APLF: variants seen among roughly 807,000 people sequenced by gnomAD.
APLF encodes aprataxin and PNK-like factor.
Under a neutral mutation model 55.6 loss-of-function variants are expected in APLF, and 61 were observed. That is an observed-to-expected ratio of 1.10 (90% CI 0.89 to 1.36). APLF has a LOEUF of 1.36. Ranked by LOEUF, APLF falls within the 40% of genes most tolerant of loss-of-function variation. The probability of loss-of-function intolerance (pLI) is 0.00; values close to 1 mark genes in which losing one functional copy is unlikely to be tolerated. For missense variants in APLF, 611 were observed against 602.5 expected, an observed-to-expected ratio of 1.01 and a Z score of -0.15; for synonymous variants, 207 against 214.8, an observed-to-expected ratio of 0.96 and a Z score of 0.32.
chr2:68,547,537 A>G (rs1308053871), intron 8 of APLF, among the ~76,000 whole-genome samples: 1 of 151,742 alleles, frequency 6.6e-6, no homozygotes, highest in Non-Finnish European at 1.5e-5. Context: ...TGGTACTTCA[A>G]AATAGGCTTA....
At chr2:68,549,714 T>A (rs971066131) in intron 8 of APLF, among the ~76,000 whole-genome samples, 5 of 152,182 alleles carry the variant, frequency 3.3e-5, no homozygotes, top group Non-Finnish European at 7.4e-5. Flanking sequence ...ATTTTTTTCC[T>A]GTGGTGGTTC....
chr2:68,509,704 C>G (rs1436632675), intron 3 of APLF, among the ~76,000 whole-genome samples: 2 of 152,092 alleles, frequency 1.3e-5, no homozygotes, highest in East Asian at 1.9e-4. Context: ...TTGACCCAGC[C>G]ATCCCATTAC....
intron 2 of APLF, among the ~76,000 whole-genome samples, chr2:68,491,436 C>T (rs540607128): frequency 1.3e-5 from 2 of 152,240 alleles, no homozygotes; most frequent in African/African-American, 2.4e-5. Flanking sequence ...CATGAGTAAA[C>T]GCTGTGGTGA....
chr2:68,513,608 A>T lies in APLF; in HGVS notation c.550A>T (p.Arg184Ter). 2 of 1,611,646 alleles carry T rather than the reference A, an allele frequency of 1.2e-6. No individual in the cohort carries two copies. The highest frequency in any genetic ancestry group is 1.7e-6 in the Non-Finnish European group (2 of 1,178,364). ...KQQPILAERKRILPTWMLAEH... is the reference protein window; with the variant it reads ...KQQPILAERK ...GCAGCCAATCCTTGCCGAGAGGAAA[A>T]GAATCCTTCCAACTTGGATGTTAGC... is the stretch of plus-strand genomic sequence containing the variant. The change falls in exon 5 of 10, where the codon AGA becomes TGA. Residue 184 changes from arginine to a stop codon, truncating the protein, a stop_gained. Transcript: ENST00000303795. LOFTEE classifies it high-confidence loss of function.
intron 2 of APLF, among the ~76,000 whole-genome samples, chr2:68,492,306 G>A (rs764589095): frequency 6.6e-6 from 1 of 151,916 alleles, no homozygotes. Context: ...GTGAAACGCC[G>A]TCTCTACTAA....
chr2:68,488,974 A>AT (rs1676273220), intron 1 of APLF, among the ~76,000 whole-genome samples: 1 of 151,170 alleles, frequency 6.6e-6, no homozygotes, highest in Non-Finnish European at 1.5e-5. Context: ...AAGTATAATA[A>AT]TAAAAAAAAA....
chr2:68,550,389 G>T (rs11903177), intron 8 of APLF, among the ~76,000 whole-genome samples: 1 of 151,512 alleles, frequency 6.6e-6, no homozygotes, highest in Non-Finnish European at 1.5e-5. Flanking sequence ...CCACCACCAC[G>T]CCCGGCTAAT....
chr2:68,538,374 T>G, intron 7 of APLF, 147 bp downstream of exon 7: 1 of 673,362 alleles, frequency 1.5e-6, no homozygotes, highest in Non-Finnish European at 2.4e-6. Flanking sequence ...TTGTACTTCC[T>G]CAGTATATTT....
intron 2 of APLF, among the ~76,000 whole-genome samples, chr2:68,499,473 GA>G (rs1307686470): frequency 1.3e-5 from 2 of 152,154 alleles, no homozygotes; most frequent in Non-Finnish European, 2.9e-5. Flanking sequence ...GGGAGGGATT[GA>G]AAAGATTTTT....
intron 1 of APLF, among the ~76,000 whole-genome samples, chr2:68,487,629 A>G (rs533521475): frequency 6.6e-6 from 1 of 152,298 alleles, no homozygotes; most frequent in Non-Finnish European, 1.5e-5. Context: ...TTCACTCTGT[A>G]TAAGGAGCAG....
chr2:68,494,866 G>GT, intron 2 of APLF, among the ~76,000 whole-genome samples: 2 of 152,132 alleles, frequency 1.3e-5, no homozygotes, highest in Non-Finnish European at 2.9e-5. Flanking sequence ...GTATTCCATG[G>GT]TATATATATA....
chr2:68,508,415 A>G (rs1420647194), intron 3 of APLF, among the ~76,000 whole-genome samples: 1 of 151,912 alleles, frequency 6.6e-6, no homozygotes, highest in African/African-American at 2.4e-5. Flanking sequence ...TCCACATGCA[A>G]AAGAATGAAG....
At chr2:68,539,723 A>G (rs528353800) in intron 7 of APLF, among the ~76,000 whole-genome samples, 1 of 152,318 alleles carries the variant, frequency 6.6e-6, no homozygotes, top group South Asian at 2.1e-4. Context: ...AAAATTCTTA[A>G]TTATATAAGA....
chr2:68,545,280 G>A lies in APLF; in HGVS notation c.1254G>A (p.Arg418=), dbSNP rs370854930. ...TGGGCCAAGATGAGACTGATGACCG[G>A]CCTGAATGTCCCTATGGACCATCCT... ...QIVGQDETDD[R]PECPYGPSCY... is the part of the protein sequence containing the mutation. Residue 418 remains arginine (R), a synonymous_variant, in exon 8 of 10, where the codon CGG becomes CGA. Coordinates refer to ENST00000303795, the MANE Select transcript of APLF (RefSeq NM_173545.3). 1 of 1,613,774 alleles carries A rather than the reference G, an allele frequency of 6.2e-7. No homozygotes were observed. Among genetic ancestry groups the A allele is most frequent in the Admixed American group, 1.7e-5 (1 of 59,994 alleles).
intron 7 of APLF, among the ~76,000 whole-genome samples, chr2:68,543,020 A>T (rs1241411435): frequency 6.6e-6 from 1 of 152,218 alleles, no homozygotes; most frequent in East Asian, 1.9e-4. Flanking sequence ...TGAGGACATT[A>T]TGCTAAGTGA....
intron 1 of APLF, among the ~76,000 whole-genome samples, chr2:68,481,150 C>T (rs538686398): frequency 6.6e-6 from 1 of 152,206 alleles, no homozygotes; most frequent in South Asian, 2.1e-4. Flanking sequence ...GTAATAGTTC[C>T]TTTCCCTTTA....
intron 1 of APLF, among the ~76,000 whole-genome samples, chr2:68,471,189 T>C (rs150342764): frequency 6.6e-6 from 1 of 152,308 alleles, no homozygotes; most frequent in African/African-American, 2.4e-5. Flanking sequence ...AAGAGCCTAA[T>C]TGTGACTTAG....
intron 9 of APLF, among the ~76,000 whole-genome samples, chr2:68,570,827 G>T (rs1351693785): frequency 1.3e-5 from 2 of 152,038 alleles, no homozygotes; most frequent in South Asian, 2.1e-4. Context: ...GGGATGGCTG[G>T]GTCAAATGGT....
rs538397459 is a variant in APLF, at chr2:68,510,049, C to G, written c.342-3031C>G. On this transcript the variant is annotated intron_variant, in intron 3 of 9. Transcript: ENST00000303795. ...CACTTGGACACAGGAAGGGGAACAT[C>G]ACACACCAGGGCCTGTTGTGGAGTG... 2.0e-3 allele frequency among the ~76,000 whole-genome samples: 263 copies of G among 133,992 alleles called. No individual in the cohort carries two copies. In the Middle Eastern group the frequency reaches 0.037, roughly 19 times the overall value. 87.9% of individuals were successfully genotyped at this position (133,992 alleles called of 152,430 possible).
Sources: allele counts gnomAD v4.1 joint callset (sites outside exome capture counted in the v4.1 genomes callset), GRCh38; gene constraint gnomAD v4.1.1; transcripts MANE v1.5; gene names NCBI Gene and HGNC (gene_info 2026-07-23, HGNC 2026-07-21).